The following ANXA13 variants were observed in gnomAD, a reference collection of about 807,000 sequenced individuals.
ANXA13 encodes annexin A13.
Under a neutral mutation model 46.6 loss-of-function variants are expected in ANXA13, and 36 were observed. The ratio of observed to expected loss-of-function variants is 0.77; its 90% CI spans 0.59 to 1.02. ANXA13 has a LOEUF of 1.02. Among genes scored for constraint, ANXA13 ranks in the 50% least tolerant of loss-of-function variants. The pLI, the probability that ANXA13 is intolerant of heterozygous loss-of-function variation, is 0.00. For synonymous variants in ANXA13, 163 were observed against 152.9 expected (o/e 1.07, Z -0.49); for missense variants, 417 against 396.5 (o/e 1.05, Z -0.44).
At chr8:123,693,432 C>T (rs1173572031) in intron 7 of ANXA13, 134 bp from the exon 8 acceptor site, 1 of 774,732 alleles carries the variant, frequency 1.3e-6, no homozygotes, top group African/African-American at 1.7e-5. Flanking sequence ...TAAGCACTTT[C>T]AGCTTCTAAC....
intron 9 of ANXA13, among the ~76,000 whole-genome samples, chr8:123,686,950 C>A (rs143901364): frequency 1.1e-3 from 171 of 152,286 alleles, no homozygotes; most frequent in African/African-American, 4.0e-3. Context: ...TGGAGTACAG[C>A]TCTCTCTTGG....
chr8:123,688,754 T>A, intron 9 of ANXA13, 117 bp downstream of exon 9: 1 of 867,072 alleles, frequency 1.2e-6, no homozygotes. Context: ...TCAGTGCTGC[T>A]TAGACCTGTT....
At position 123,680,991 on chromosome 8, in the gene ANXA13, C is replaced by T. The variant is rs1039562204; in HGVS notation, c.*249G>A. 3 of 436,510 alleles carry T rather than the reference C, an allele frequency of 6.9e-6. No individual in the cohort carries two copies. Among genetic ancestry groups the T allele is most frequent in the Non-Finnish European group, 1.2e-5 (3 of 243,970 alleles). 27.0% of individuals were successfully genotyped at this position (436,510 alleles called of 1,614,324 possible). On this transcript the variant is annotated 3_prime_UTR_variant, in exon 11 of 11. Transcript: ENST00000419625. ...TAGTGTTTAGAAAACATCCAGTTAC[C>T]ATGCTAAAAGAAAGTGAAGAGGCAG... is the stretch of plus-strand genomic sequence containing the variant.
intron 4 of ANXA13, 137 bp downstream of exon 4, chr8:123,698,252 G>C (rs994643178): frequency 1.4e-5 from 13 of 897,194 alleles, no homozygotes; most frequent in Non-Finnish European, 2.0e-5. Flanking sequence ...CTCCCACATG[G>C]ACCAAGCACA....
chr8:123,696,995 C>T (rs762935854), intron 4 of ANXA13, among the ~76,000 whole-genome samples: 13 of 152,180 alleles, frequency 8.5e-5, no homozygotes, highest in Admixed American at 2.0e-4. Context: ...CTGCAACCTC[C>T]GCCTCCCGGG....
intron 1 of ANXA13, among the ~76,000 whole-genome samples, chr8:123,736,874 G>C (rs1365962974): frequency 7.1e-6 from 1 of 139,894 alleles, no homozygotes; most frequent in African/African-American, 2.7e-5. Flanking sequence ...TTGGGACGGA[G>C]TTTCACTCTT....
intron 3 of ANXA13, among the ~76,000 whole-genome samples, chr8:123,701,859 G>A (rs1813453451): frequency 6.6e-6 from 1 of 152,036 alleles, no homozygotes; most frequent in South Asian, 2.1e-4. Flanking sequence ...GATTCTCCCA[G>A]CAACCTGAGA....
At chr8:123,693,833 A>G (rs887577955) in intron 6 of ANXA13, 54 bp from the exon 7 acceptor site, 27 of 1,493,216 alleles carry the variant, frequency 1.8e-5, no homozygotes, top group Non-Finnish European at 2.5e-5. Context: ...ACCACAGAAA[A>G]CAAACTAACA....
At chr8:123,699,437 C>G (rs914437702) in intron 3 of ANXA13, among the ~76,000 whole-genome samples, 1 of 152,236 alleles carries the variant, frequency 6.6e-6, no homozygotes, top group African/African-American at 2.4e-5. Context: ...CCACCTCAGC[C>G]TCTCAAAGTG....
intron 1 of ANXA13, among the ~76,000 whole-genome samples, chr8:123,729,795 AAGTG>A (rs1296867504): frequency 6.6e-6 from 1 of 152,170 alleles, no homozygotes; most frequent in Non-Finnish European, 1.5e-5. Flanking sequence ...ATTTAAGCCA[AAGTG>A]AGTCCTGTGG....
chr8:123,693,119 G>A (rs1485432866), intron 8 of ANXA13, 78 bp downstream of exon 8: 3 of 1,273,640 alleles, frequency 2.4e-6, no homozygotes, highest in East Asian at 4.6e-5. Context: ...ATTCCTTATT[G>A]CAGATCTTGG....
At chr8:123,681,831 G>T (rs972604063) in intron 10 of ANXA13, among the ~76,000 whole-genome samples, 3 of 151,828 alleles carry the variant, frequency 2.0e-5, no homozygotes, top group African/African-American at 7.3e-5. Context: ...TCATCATGTT[G>T]GCCAGACTGG....
chr8:123,726,487 C>G (rs549607059), intron 1 of ANXA13, among the ~76,000 whole-genome samples: 1 of 152,142 alleles, frequency 6.6e-6, no homozygotes, highest in South Asian at 2.1e-4. Flanking sequence ...TATAGGGAGT[C>G]CAAGTGGGGT....
chr8:123,687,701 C>T (rs1050521771), intron 9 of ANXA13, among the ~76,000 whole-genome samples: 2 of 152,194 alleles, frequency 1.3e-5, no homozygotes, highest in African/African-American at 4.8e-5. Flanking sequence ...TCCAGGGCTG[C>T]TTATTTGGTT....
intron 4 of ANXA13, among the ~76,000 whole-genome samples, chr8:123,696,227 G>A (rs6984344): frequency 0.44 from 66,652 of 151,834 alleles, 17,033 homozygotes; most frequent in African/African-American, 0.72. Context: ...CTCAATAATA[G>A]TATCCCGGAG....
intron 7 of ANXA13, 27 bp from the exon 8 acceptor site, chr8:123,693,325 A>G (rs1813275121): frequency 6.2e-7 from 1 of 1,600,650 alleles, no homozygotes; most frequent in South Asian, 1.1e-5. Flanking sequence ...AAACACTTTG[A>G]AAAAGGCTTT....
At chr8:123,717,832 A>G (rs1342830631) in intron 1 of ANXA13, among the ~76,000 whole-genome samples, 1 of 152,220 alleles carries the variant, frequency 6.6e-6, no homozygotes, top group East Asian at 1.9e-4. Context: ...ACAAGTCCAC[A>G]CCTTACGTAA....
intron 4 of ANXA13, among the ~76,000 whole-genome samples, chr8:123,698,133 A>G (rs1290298781): frequency 1.2e-4 from 19 of 152,218 alleles, no homozygotes; most frequent in Admixed American, 1.2e-3. Flanking sequence ...TTATAAAAGC[A>G]TCAGTTTAGA....
chr8:123,704,694 G>A (rs1813508642), intron 2 of ANXA13, among the ~76,000 whole-genome samples: 1 of 152,156 alleles, frequency 6.6e-6, no homozygotes, highest in Admixed American at 6.5e-5. Context: ...ACCGCACCCG[G>A]CCTGCGGTTG....
Sources: gnomAD v4.1 joint callset for allele counts (sites outside exome capture counted in the v4.1 genomes callset) on GRCh38, gnomAD v4.1.1 for gene constraint, MANE v1.5 for transcripts, NCBI Gene and HGNC (gene_info 2026-07-23, HGNC 2026-07-21) for gene names.